The following MLF1 variants were observed in gnomAD, a reference collection of about 807,000 sequenced individuals.
The protein encoded by MLF1 is myeloid leukemia factor 1, also known as myelodysplasia-myeloid leukemia factor 1.
Under a neutral mutation model 38.3 loss-of-function variants are expected in MLF1, and 37 were observed. The ratio of observed to expected loss-of-function variants is 0.96; its 90% CI spans 0.74 to 1.27. MLF1 has a LOEUF of 1.27. Among genes scored for constraint, MLF1 ranks in the 50% most tolerant of loss-of-function variants. The probability of loss-of-function intolerance (pLI) is 0.00; values close to 1 mark genes in which losing one functional copy is unlikely to be tolerated. For synonymous variants in MLF1, 95 were observed against 106.5 expected (o/e 0.89, Z 0.66); for missense variants, 331 against 349.2 (o/e 0.95, Z 0.42).
rs1720452662 is a variant in MLF1 at position 158,606,001 on chromosome 3, C to T, written c.*799C>T. 1 of 183,556 alleles carries T rather than the reference C, an allele frequency of 5.4e-6. No individual in the cohort carries two copies. The highest frequency in any genetic ancestry group is 1.2e-5 in the Non-Finnish European group (1 of 86,330). 11.4% of individuals were successfully genotyped at this position (183,556 alleles called of 1,614,324 possible). A position where few individuals can be genotyped will look rare whatever the true frequency, so the allele number is the denominator to read the frequency against. ...TGAAGCTGGAGAGTCCTTGGAGAAACTCTGCTCAGCTTTTTTGTGACATTT... is the reference window on the plus strand; with the variant it reads ...TGAAGCTGGAGAGTCCTTGGAGAAATTCTGCTCAGCTTTTTTGTGACATTT... On this transcript the variant is annotated 3_prime_UTR_variant, in exon 8 of 8. Coordinates refer to ENST00000466246, the MANE Select transcript of MLF1 (RefSeq NM_001369783.1).
In MLF1 at chr3:158,571,347, C is replaced by T. The variant is rs763171016; in HGVS notation, c.47C>T (p.Ser16Phe). Residue 16 changes from serine to phenylalanine, a missense_variant and splice_region_variant, in exon 1 of 8, where the codon TCT becomes TTT. Ser to Phe is a radical substitution (Grantham distance 155). Coordinates refer to ENST00000466246, the MANE Select transcript of MLF1 (RefSeq NM_001369783.1). ...NSSFEDDPFF[S>F]ESILAHRENM... is the part of the protein sequence containing the mutation. ...AGTTTTGAGGATGACCCCTTCTTCTCGTGAGTTACGGGAGCCAGGAGTCCG... is the reference window on the plus strand; with the variant it reads ...AGTTTTGAGGATGACCCCTTCTTCTTGTGAGTTACGGGAGCCAGGAGTCCG... 17 of 1,613,096 alleles carry T rather than the reference C, an allele frequency of 1.1e-5. No homozygotes were observed. The highest frequency in any genetic ancestry group is 1.4e-5 in the Non-Finnish European group (16 of 1,179,904).
chr3:158,588,492 TC>T (rs1402788975), intron 1 of MLF1, among the ~76,000 whole-genome samples: 1 of 151,406 alleles, frequency 6.6e-6, no homozygotes, highest in Non-Finnish European at 1.5e-5. Flanking sequence ...TCCCAGCTAC[TC>T]GGGGGGCTGA....
At chr3:158,588,974 TTAAA>T (rs937435917) in intron 1 of MLF1, 8 of 444,768 alleles carry the variant, frequency 1.8e-5, no homozygotes, top group African/African-American at 6.1e-5. Flanking sequence ...CAAGTATAGT[TTAAA>T]TAGGAGTTTC....
At chr3:158,578,248 A>G (rs1715772504) in intron 1 of MLF1, among the ~76,000 whole-genome samples, 1 of 152,098 alleles carries the variant, frequency 6.6e-6, no homozygotes, top group South Asian at 2.1e-4. Context: ...GAAGGGAGGA[A>G]TTTCCCTTAA....
chr3:158,574,523 A>AAAAAAACAAAAAC (rs1553830589), intron 1 of MLF1, among the ~76,000 whole-genome samples: 2 of 115,694 alleles, frequency 1.7e-5, no homozygotes, highest in African/African-American at 5.9e-5. Context: ...AAAAAAAAAA[A>AAAAAAACAAAAAC]AAAATACAAA....
intron 2 of MLF1, among the ~76,000 whole-genome samples, chr3:158,593,136 A>C (rs1718398667): frequency 7.2e-6 from 1 of 139,770 alleles, no homozygotes; most frequent in South Asian, 2.2e-4. Flanking sequence ...CTCAACTAAA[A>C]ATTAAAAAAA....
chr3:158,583,165 A>T (rs1716680501), intron 1 of MLF1, among the ~76,000 whole-genome samples: 1 of 152,168 alleles, frequency 6.6e-6, no homozygotes, highest in South Asian at 2.1e-4. Context: ...GTTGAAAATG[A>T]CTGTATATGA....
At chr3:158,604,093 A>C (rs1720179851) in intron 7 of MLF1, among the ~76,000 whole-genome samples, 1 of 152,214 alleles carries the variant, frequency 6.6e-6, no homozygotes, top group African/African-American at 2.4e-5. Flanking sequence ...CAGAAGCCTT[A>C]TGCAGAATTT....
rs1718299259 is a variant in MLF1, at chr3:158,592,493, C to T, written c.107C>T (p.Pro36Leu). The stretch of plus-strand genomic sequence containing the variant: ...CAGATGATAAGAAGTTTTTCTGAAC[C>T]CTTTGGAAGAGACTTGCTCAGTATC... Reference protein sequence around the residue: ...MRQMIRSFSEPFGRDLLSISD... With the variant: ...MRQMIRSFSELFGRDLLSISD... Residue 36 changes from proline (P) to leucine (L), a missense_variant, in exon 2 of 8, where the codon CCC (proline) becomes CTC (leucine). Pro to Leu is a moderately conservative substitution (Grantham distance 98). Coordinates refer to ENST00000466246, the MANE Select transcript of MLF1 (RefSeq NM_001369783.1). The T allele has an allele frequency of 6.2e-7, 1 of 1,610,060 alleles. No individual in the cohort carries two copies. Among genetic ancestry groups the T allele is most frequent in the Non-Finnish European group, 8.5e-7 (1 of 1,178,410 alleles).
At chr3:158,584,974 G>T (rs1717006677) in intron 1 of MLF1, among the ~76,000 whole-genome samples, 1 of 146,486 alleles carries the variant, frequency 6.8e-6, no homozygotes, top group Non-Finnish European at 1.5e-5. Flanking sequence ...GGTGTTTAAG[G>T]TTGCAGTGAG....
intron 5 of MLF1, 106 bp downstream of exon 5, chr3:158,598,314 GGGACAGGAGGGA>G: frequency 9.0e-7 from 1 of 1,105,650 alleles, no homozygotes; most frequent in Non-Finnish European, 1.2e-6. Context: ...AGATGGTGGG[GGGACAGGAGGGA>G]GGTGTGGGGG....
chr3:158,603,328 C>G (rs1720069037), intron 7 of MLF1, among the ~76,000 whole-genome samples: 1 of 152,074 alleles, frequency 6.6e-6, no homozygotes, highest in African/African-American at 2.4e-5. Flanking sequence ...GAGAGGGGCT[C>G]TATTTGGAAG....
intron 1 of MLF1, among the ~76,000 whole-genome samples, chr3:158,588,640 C>T (rs1034197012): frequency 3.3e-5 from 5 of 151,228 alleles, no homozygotes; most frequent in South Asian, 2.1e-4. Flanking sequence ...AAAAAACTGC[C>T]CTCATTCTAA....
At chr3:158,581,442 A>G (rs1162110521) in intron 1 of MLF1, among the ~76,000 whole-genome samples, 2 of 152,188 alleles carry the variant, frequency 1.3e-5, no homozygotes, top group Non-Finnish European at 2.9e-5. Context: ...GGGGAAGGCA[A>G]ATACCCAACT....
intron 1 of MLF1, among the ~76,000 whole-genome samples, chr3:158,574,530 C>CAA (rs1715108802): frequency 9.6e-6 from 1 of 104,158 alleles, no homozygotes; most frequent in African/African-American, 4.0e-5. Flanking sequence ...AAAAAAAATA[C>CAA]AAAATTAGCC....
At chr3:158,597,088 T>G (rs1460282506) in intron 4 of MLF1, 143 bp downstream of exon 4, 2 of 512,458 alleles carry the variant, frequency 3.9e-6, no homozygotes, top group African/African-American at 1.9e-5. Context: ...ATTTGTATAC[T>G]TTATAAATAT....
At chr3:158,579,444 A>T (rs1469712991) in intron 1 of MLF1, among the ~76,000 whole-genome samples, 1 of 152,166 alleles carries the variant, frequency 6.6e-6, no homozygotes, top group Non-Finnish European at 1.5e-5. Context: ...CAAACACCAG[A>T]CTATAGGCTC....
At chr3:158,588,736 A>G in intron 1 of MLF1, 1 of 325,000 alleles carries the variant, frequency 3.1e-6, no homozygotes. Context: ...CTGCATCATA[A>G]AAAACAGATA....
intron 3 of MLF1, 46 bp downstream of exon 3, chr3:158,593,472 A>C (rs1429775155): frequency 3.4e-6 from 5 of 1,465,348 alleles, no homozygotes; most frequent in Non-Finnish European, 4.6e-6. Flanking sequence ...TTTTCTGACA[A>C]ATATTTATTT....
Sources: allele counts gnomAD v4.1 joint callset (sites outside exome capture counted in the v4.1 genomes callset), GRCh38; gene constraint gnomAD v4.1.1; transcripts MANE v1.5; gene names NCBI Gene and HGNC (gene_info 2026-07-23, HGNC 2026-07-21).